The following UGGT2 variants were observed in gnomAD, a reference collection of about 807,000 sequenced individuals.
UGGT2 encodes the protein UDP-glucose:glycoprotein glucosyltransferase 2.
Under a neutral mutation model 192.1 loss-of-function variants are expected in UGGT2, and 180 were observed. That is an observed-to-expected ratio of 0.94 (90% CI 0.83 to 1.06). The LOEUF (loss-of-function observed/expected upper bound fraction) is 1.06. Ranked by LOEUF, UGGT2 falls within the 50% of genes least tolerant of loss-of-function variation. The pLI is 0.00. For missense variants in UGGT2, 1,849 were observed against 1,795.7 expected (o/e 1.03, Z -0.54); for synonymous variants, 580 against 591.0 (o/e 0.98, Z 0.27).
chr13:95,884,371 C>T, intron 27 of UGGT2, 120 bp downstream of exon 27: 1 of 840,000 alleles, frequency 1.2e-6, no homozygotes, highest in Non-Finnish European at 1.7e-6. Flanking sequence ...GACCTAGAAT[C>T]ATAAAAAAGA....
chr13:95,839,066 A>G (rs1294980006), intron 36 of UGGT2, among the ~76,000 whole-genome samples: 5 of 152,034 alleles, frequency 3.3e-5, no homozygotes, highest in African/African-American at 1.2e-4. Context: ...TTTCTTGACA[A>G]AGTCATAGTC....
chr13:95,805,462 G>T (rs558938145), intron 38 of UGGT2, among the ~76,000 whole-genome samples: 3 of 152,106 alleles, frequency 2.0e-5, no homozygotes, highest in African/African-American at 7.2e-5. Context: ...GGGTCTCAAA[G>T]AGATATACAC....
At chr13:96,028,531 G>T (rs2052733573) in intron 2 of UGGT2, among the ~76,000 whole-genome samples, 2 of 152,202 alleles carry the variant, frequency 1.3e-5, no homozygotes, top group African/African-American at 4.8e-5. Flanking sequence ...TATGCCACTT[G>T]AATCTTGAAG....
At position 96,023,532 on chromosome 13, in the gene UGGT2, G is replaced by A. The variant is rs1013051293; in HGVS notation, c.372+97C>T. On this transcript the variant is annotated intron_variant, in intron 3 of 38. Transcript: ENST00000376747. ...AGGCTATGGAACCAACTATAAACTT[G>A]TAGATCATTTTGAACTAAAGATGTT... is the stretch of plus-strand genomic sequence containing the variant. 10 of 1,299,766 alleles carry A rather than the reference G, an allele frequency of 7.7e-6. No individual in the cohort carries two copies. In the South Asian group the frequency reaches 1.6e-4, roughly 21 times the overall value. The allele number at this position is 1,299,766 out of a possible 1,614,324, so 80.5% of individuals were successfully genotyped here. A position where few individuals can be genotyped will look rare whatever the true frequency, so the allele number is the denominator to read the frequency against.
chr13:95,902,844 A>G lies in UGGT2; in HGVS notation c.2502+10T>C, dbSNP rs900186703. The G allele has an allele frequency of 6.2e-7, 1 of 1,606,634 alleles. No homozygotes were observed. Among genetic ancestry groups the G allele is most frequent in the African/African-American group, 1.3e-5 (1 of 74,662 alleles). On this transcript the variant is annotated intron_variant, in intron 21 of 38. Transcript: ENST00000376747. The stretch of plus-strand genomic sequence containing the variant: ...TACATACATATTTAATATTTCAAAT[A>G]GCTACTGACCTCAATAAGGAATGTT...
At chr13:96,052,171 C>G (rs2053504094) in intron 1 of UGGT2, among the ~76,000 whole-genome samples, 1 of 152,114 alleles carries the variant, frequency 6.6e-6, no homozygotes, top group African/African-American at 2.4e-5. Flanking sequence ...TTCACAGCAA[C>G]CTGGATGAGA....
chr13:95,860,181 C>T (rs555095751), intron 32 of UGGT2, among the ~76,000 whole-genome samples: 17 of 151,856 alleles, frequency 1.1e-4, no homozygotes, highest in Non-Finnish European at 1.8e-4. Context: ...TCTCTGTGAC[C>T]TTTCTATATA....
At chr13:95,917,634 GGA>G (rs2048720982) in intron 20 of UGGT2, among the ~76,000 whole-genome samples, 1 of 152,082 alleles carries the variant, frequency 6.6e-6, no homozygotes, top group Non-Finnish European at 1.5e-5. Flanking sequence ...GATAAAGAGT[GGA>G]GACCCATCAA....
intron 1 of UGGT2, among the ~76,000 whole-genome samples, chr13:96,036,515 G>A (rs968912538): frequency 2.0e-5 from 3 of 151,702 alleles, no homozygotes; most frequent in African/African-American, 7.3e-5. Flanking sequence ...ATTTACCTAT[G>A]TAACAAACCT....
chr13:96,049,688 GACAA>G (rs757916604), intron 1 of UGGT2, among the ~76,000 whole-genome samples: 4 of 152,088 alleles, frequency 2.6e-5, no homozygotes, highest in Non-Finnish European at 5.9e-5. Context: ...GCCAATAACA[GACAA>G]ACAGAGGGCC....
rs2051113001 is a variant in UGGT2 at position 95,981,182 on chromosome 13, TGGCCGGGCGCGGTGGC to T, written c.1092+2606_1092+2621del. On this transcript the variant is annotated intron_variant, in intron 10 of 38. Coordinates refer to ENST00000376747, the MANE Select transcript of UGGT2 (RefSeq NM_020121.4). ...AAAATTATGCTTAAGACACTTTTGT[TGGCCGGGCGCGGTGGC>T]TCACGCCTGTAATCCCAGCACTTTG... 8.2e-5 allele frequency among the ~76,000 whole-genome samples: 4 copies of T among 48,932 alleles called. 2 individuals carry two copies. The highest frequency in any genetic ancestry group is 0.02 in the Middle Eastern group (2 of 102). 32.1% of individuals were successfully genotyped at this position (48,932 alleles called of 152,430 possible).
At chr13:95,913,763 G>A (rs1025627163) in intron 20 of UGGT2, among the ~76,000 whole-genome samples, 2 of 152,124 alleles carry the variant, frequency 1.3e-5, no homozygotes, top group Admixed American at 6.5e-5. Flanking sequence ...TATAAATCAT[G>A]CTACTATAAA....
intron 38 of UGGT2, among the ~76,000 whole-genome samples, chr13:95,812,558 G>C (rs1884635599): frequency 6.6e-6 from 1 of 152,076 alleles, no homozygotes; most frequent in Admixed American, 6.5e-5. Context: ...GAGATTACAG[G>C]CTAAATGTAT....
chr13:96,050,247 T>C (rs2053445458), intron 1 of UGGT2, among the ~76,000 whole-genome samples: 1 of 152,196 alleles, frequency 6.6e-6, no homozygotes, highest in African/African-American at 2.4e-5. Flanking sequence ...CCCTATTTAA[T>C]AAATGGTGCT....
At chr13:95,859,463 TAA>T in intron 33 of UGGT2, 126 bp downstream of exon 33, 1 of 754,314 alleles carries the variant, frequency 1.3e-6, no homozygotes, top group South Asian at 2.0e-5. Context: ...TTAAGCTACA[TAA>T]AAATACTAAA....
intron 12 of UGGT2, among the ~76,000 whole-genome samples, chr13:95,951,388 G>A (rs901955771): frequency 6.6e-6 from 1 of 152,220 alleles, no homozygotes; most frequent in Admixed American, 6.5e-5. Context: ...AGGAAGAAAA[G>A]AGAAAGGAAG....
intron 20 of UGGT2, 147 bp from the exon 21 acceptor site, chr13:95,903,207 G>T: frequency 1.6e-6 from 1 of 626,918 alleles, no homozygotes; most frequent in Non-Finnish European, 2.5e-6. Flanking sequence ...TACTAAATGT[G>T]ATATACCACT....
At chr13:96,010,628 G>A (rs963002615) in intron 5 of UGGT2, among the ~76,000 whole-genome samples, 5 of 151,988 alleles carry the variant, frequency 3.3e-5, no homozygotes, top group Non-Finnish European at 7.4e-5. Context: ...AGAAATCAAA[G>A]GATGTCTAAA....
At chr13:96,034,573 C>A (rs1291373821) in intron 1 of UGGT2, among the ~76,000 whole-genome samples, 1 of 152,256 alleles carries the variant, frequency 6.6e-6, no homozygotes, top group East Asian at 1.9e-4. Flanking sequence ...AGAAGAGCTG[C>A]AGCCCTTTGG....
Sources: gnomAD v4.1 joint callset for allele counts (sites outside exome capture counted in the v4.1 genomes callset) on GRCh38, gnomAD v4.1.1 for gene constraint, MANE v1.5 for transcripts, NCBI Gene and HGNC (gene_info 2026-07-23, HGNC 2026-07-21) for gene names.